The following HPS3 variants were observed in gnomAD, a reference collection of about 807,000 sequenced individuals.
The protein encoded by HPS3 is HPS3 biogenesis of lysosomal organelles complex 2 subunit 1.
Under a neutral mutation model 110.9 loss-of-function variants are expected in HPS3, and 79 were observed. The ratio of observed to expected loss-of-function variants is 0.71; its 90% CI spans 0.59 to 0.86. HPS3 has a LOEUF of 0.86. HPS3 is among the 40% of genes least tolerant of loss of function. The pLI is 0.00. For missense variants in HPS3, 1,197 were observed against 1,206.2 expected (o/e 0.99, Z 0.11); for synonymous variants, 428 against 451.0 (o/e 0.95, Z 0.65).
At chr3:149,133,695 C>T (rs1721904803) in intron 1 of HPS3, among the ~76,000 whole-genome samples, 1 of 152,180 alleles carries the variant, frequency 6.6e-6, no homozygotes, top group Non-Finnish European at 1.5e-5. Flanking sequence ...GGGCAAGACC[C>T]TTCACCAGTG....
chr3:149,160,708 T>TA (rs1318692004), intron 11 of HPS3, among the ~76,000 whole-genome samples: 1 of 152,116 alleles, frequency 6.6e-6, no homozygotes, highest in Non-Finnish European at 1.5e-5. Flanking sequence ...AATCACAGAT[T>TA]AAGAGGATTG....
At chr3:149,156,411 A>T (rs978856962) in intron 8 of HPS3, among the ~76,000 whole-genome samples, 2 of 152,196 alleles carry the variant, frequency 1.3e-5, no homozygotes, top group African/African-American at 4.8e-5. Context: ...TTCAAGACCC[A>T]GTCTAGGATC....
intron 9 of HPS3, among the ~76,000 whole-genome samples, chr3:149,158,228 T>C (rs1215500931): frequency 6.6e-6 from 1 of 152,230 alleles, no homozygotes; most frequent in Non-Finnish European, 1.5e-5. Flanking sequence ...TCCACATGAA[T>C]GGTTAAAAAT....
intron 1 of HPS3, among the ~76,000 whole-genome samples, chr3:149,131,144 A>G (rs1239787590): frequency 6.6e-6 from 1 of 151,908 alleles, no homozygotes; most frequent in Non-Finnish European, 1.5e-5. Flanking sequence ...AAAAAAACAA[A>G]AAGTTGAATA....
At chr3:149,155,942 G>A (rs1723430989) in intron 8 of HPS3, among the ~76,000 whole-genome samples, 1 of 152,062 alleles carries the variant, frequency 6.6e-6, no homozygotes. Flanking sequence ...GCTAAGATGG[G>A]AAGATCACTT....
At position 149,160,128 on chromosome 3, in the gene HPS3, A is replaced by G. The variant is rs1723697839; in HGVS notation, c.1955A>G (p.Lys652Arg). 2 of 1,613,850 alleles carry G rather than the reference A, an allele frequency of 1.2e-6. No individual in the cohort carries two copies. Among genetic ancestry groups the G allele is most frequent in the Non-Finnish European group, 1.7e-6 (2 of 1,179,876 alleles). The part of the protein sequence containing the change: ...VPHILCSPSM[K>R]NINPLTAMSY... ...CATATTCTCTGTAGTCCTTCTATGA[A>G]GAATATTAATCCTTTAACTGCCATG... The change falls in exon 11 of 17, where the codon AAG becomes AGG. Residue 652 changes from lysine to arginine, a missense_variant. Coordinates refer to ENST00000296051, the MANE Select transcript of HPS3 (RefSeq NM_032383.5).
intron 1 of HPS3, among the ~76,000 whole-genome samples, chr3:149,133,488 G>C (rs1265354199): frequency 2.6e-5 from 4 of 151,934 alleles, no homozygotes; most frequent in African/African-American, 9.7e-5. Flanking sequence ...AGTAGAGATG[G>C]GGTTTCTCCA....
rs767908300 is a variant in HPS3 at position 149,150,658 on chromosome 3, C to T, written c.1223C>T (p.Pro408Leu). 48 of 1,613,676 alleles carry T rather than the reference C, an allele frequency of 3.0e-5. No individual in the cohort carries two copies. The highest frequency in any genetic ancestry group is 1.7e-4 in the Middle Eastern group (1 of 6,058). Residue 408 changes from proline to leucine, a missense_variant, in exon 6 of 17, where the codon CCG becomes CTG. Transcript: ENST00000296051. ...CSAAAAREED[P>L]YMDTTLKACP... is the part of the protein sequence containing the mutation. ...GCGGCGGCAGCTCGTGAGGAGGACC[C>T]GTACATGGACACCACCCTGAAGGTA...
Position 149,153,596 on chromosome 3 carries a change from A to G in HPS3, c.1348A>G (p.Lys450Glu). 3 of 1,614,188 alleles carry G rather than the reference A, an allele frequency of 1.9e-6. No homozygotes were observed. Among genetic ancestry groups the G allele is most frequent in the Non-Finnish European group, 2.5e-6 (3 of 1,180,006 alleles). The change falls in exon 7 of 17, where the codon AAA becomes GAA. Residue 450 changes from lysine to glutamate, a missense_variant. By Grantham distance (56) the Lys-to-Glu change is moderately conservative. Coordinates refer to ENST00000296051, the MANE Select transcript of HPS3 (RefSeq NM_032383.5). ...HFKNHIILLT[K>E]AEPEAIPERR... The stretch of plus-strand genomic sequence containing the variant: ...TAAAAACCACATCATACTTTTGACT[A>G]AAGCAGAACCTGAAGCCATTCCAGA...
chr3:149,139,883 A>T (rs1171056325), intron 1 of HPS3, 121 bp from the exon 2 acceptor site: 3 of 942,558 alleles, frequency 3.2e-6, no homozygotes, highest in African/African-American at 3.3e-5. Flanking sequence ...TTAGGGTTTT[A>T]TTCTATTCAG....
intron 1 of HPS3, among the ~76,000 whole-genome samples, chr3:149,137,297 T>A (rs1722168526): frequency 6.6e-6 from 1 of 152,220 alleles, no homozygotes; most frequent in African/African-American, 2.4e-5. Flanking sequence ...CCCATTAGTA[T>A]GCCTGTTATT....
intron 16 of HPS3, 99 bp from the exon 17 acceptor site, chr3:149,171,996 C>G: frequency 8.2e-7 from 1 of 1,224,354 alleles, no homozygotes; most frequent in Admixed American, 1.8e-5. Flanking sequence ...TGAGCCACCA[C>G]GCCTGGCCTG....
Position 149,150,714 on chromosome 3 carries a change from A to C in HPS3, c.1245+34A>C, listed in dbSNP as rs747755252. ...TGGCTTATGAAGATAGTGAAACCTTAAGATCACAAGGGAGCACATGAATAC... is the reference window on the plus strand; with the variant it reads ...TGGCTTATGAAGATAGTGAAACCTTCAGATCACAAGGGAGCACATGAATAC... On this transcript the variant is annotated intron_variant, in intron 6 of 16. Coordinates refer to ENST00000296051, the MANE Select transcript of HPS3 (RefSeq NM_032383.5). The C allele has an allele frequency of 4.7e-6, 7 of 1,501,172 alleles. No individual in the cohort carries two copies. The South Asian group carries it at 5.6e-5, about 12-fold the overall frequency. 93.0% of individuals were successfully genotyped at this position (1,501,172 alleles called of 1,614,324 possible).
At chr3:149,132,396 T>C (rs542280008) in intron 1 of HPS3, among the ~76,000 whole-genome samples, 1 of 152,214 alleles carries the variant, frequency 6.6e-6, no homozygotes, top group Non-Finnish European at 1.5e-5. Flanking sequence ...TTAAAAATTA[T>C]GCTAAATCTA....
intron 1 of HPS3, among the ~76,000 whole-genome samples, chr3:149,136,209 T>C (rs1174989024): frequency 6.6e-6 from 1 of 151,580 alleles, no homozygotes; most frequent in African/African-American, 2.4e-5. Context: ...TATATACATA[T>C]ATATATACAC....
rs762881753 is a variant in HPS3 at position 149,140,293 on chromosome 3, A to G, written c.507A>G (p.Glu169=). The part of the protein sequence containing the change: ...FSLKYQIINE[E]FSLLDFERSL... The stretch of plus-strand genomic sequence containing the variant: ...TGAAGTACCAGATCATTAATGAGGA[A>G]TTCTCACTATTGGACTTTGAACGTT... Residue 169 remains glutamate, a synonymous_variant, in exon 2 of 17, where the codon GAA becomes GAG. Transcript: ENST00000296051. 6.2e-7 allele frequency: 1 copy of G among 1,612,884 alleles called. No individual in the cohort carries two copies. The highest frequency in any genetic ancestry group is 8.5e-7 in the Non-Finnish European group (1 of 1,178,948).
intron 14 of HPS3, 28 bp from the exon 15 acceptor site, chr3:149,167,006 T>C: frequency 6.4e-7 from 1 of 1,563,586 alleles, no homozygotes; most frequent in Non-Finnish European, 8.8e-7. Context: ...GTGCCTCATT[T>C]CATAACATTT....
At chr3:149,168,083 G>C (rs955909584) in intron 16 of HPS3, 100 bp downstream of exon 16, 7 of 758,542 alleles carry the variant, frequency 9.2e-6, no homozygotes, top group Non-Finnish European at 1.6e-5. Flanking sequence ...AAGTGAAACC[G>C]AGGGCCTTTC....
chr3:149,171,684 A>T (rs1344461562), intron 16 of HPS3, among the ~76,000 whole-genome samples: 10 of 148,868 alleles, frequency 6.7e-5, no homozygotes, highest in Non-Finnish European at 1.5e-5. Flanking sequence ...ACATTTTGTT[A>T]CCTGAACTGG....
Sources: gnomAD v4.1 joint callset for allele counts (sites outside exome capture counted in the v4.1 genomes callset) on GRCh38, gnomAD v4.1.1 for gene constraint, MANE v1.5 for transcripts, NCBI Gene and HGNC (gene_info 2026-07-23, HGNC 2026-07-21) for gene names.